PGGHG: variants seen among roughly 807,000 people sequenced by gnomAD.
PGGHG encodes ATH1, acid trehalase-like 1.
A neutral mutation model predicts 74.5 loss-of-function variants in PGGHG; 67 were observed. That is an observed-to-expected ratio of 0.90 (90% CI 0.74 to 1.10). The LOEUF is 1.10. Ranked by LOEUF, PGGHG falls within the 50% of genes least tolerant of loss-of-function variation. PGGHG has a pLI of 0.00. For synonymous variants in PGGHG, 496 were observed against 419.9 expected, an observed-to-expected ratio of 1.18 and a Z score of -2.21; for missense variants, 1,034 against 981.5, an observed-to-expected ratio of 1.05 and a Z score of -0.72.
chr11:293,109 A>G, intron 7 of PGGHG, 54 bp from the exon 8 acceptor site: 1 of 1,613,864 alleles, frequency 6.2e-7, no homozygotes. Context: ...ACCGGCGTGG[A>G]GGGAAGGCCT....
At position 289,563 on chromosome 11, in the gene PGGHG, G is replaced by A; in HGVS notation, c.-13-241G>A. On this transcript the variant is annotated intron_variant, in intron 1 of 13. Transcript: ENST00000409548. This position sits in a 1 kb window ranked among gnomAD's most constrained non-coding sequence, Gnocchi z 5.6. ...TGGAATTCTAAGGTAGCAGGAGGGA[G>A]AGACACACTCAGGGGCTCAGCTGGG... 1.8e-6 allele frequency: 1 copy of A among 558,228 alleles called. No individual in the cohort carries two copies. The highest frequency in any genetic ancestry group is 3.1e-6 in the Non-Finnish European group (1 of 318,140). The allele number at this position is 558,228 out of a possible 1,614,324, so 34.6% of individuals were successfully genotyped here.
In PGGHG at chr11:290,975, G is replaced by A. The variant is rs556885979; in HGVS notation, c.768G>A (p.Leu256=). The A allele has an allele frequency of 4.3e-6, 7 of 1,612,762 alleles. No homozygotes were observed. In the African/African-American group the frequency reaches 8.0e-5, roughly 18 times the overall value. Residue 256 remains leucine, a synonymous_variant, in exon 4 of 14, where the codon CTG becomes CTA. Transcript: ENST00000409548. ...VVGPLQLRQA[L]RGSLYYLLSA... is the part of the protein sequence containing the mutation. ...GGCCCCTGCAGCTGCGCCAGGCCCT[G>A]CGTGGCTCCCTCTACTACCTGCTCA...
Position 292,059 on chromosome 11 carries a change from C to T in PGGHG, c.990C>T (p.Asp330=), listed in dbSNP as rs201905207. 36 of 1,586,392 alleles carry T rather than the reference C, an allele frequency of 2.3e-5. No individual in the cohort carries two copies. Among genetic ancestry groups the T allele is most frequent in the Non-Finnish European group, 2.9e-5 (34 of 1,166,286 alleles). Reference sequence around the variant, plus strand: ...TGGAGTACCGCATCCGCACGCTGGACGGGGCCCTGGAGAACGCCCAGAACC... The same window carrying T: ...TGGAGTACCGCATCCGCACGCTGGATGGGGCCCTGGAGAACGCCCAGAACC... ...AILEYRIRTL[D]GALENAQNLG... The change falls in exon 5 of 14, where the codon GAC becomes GAT. Residue 330 remains aspartate, a synonymous_variant. Coordinates refer to ENST00000409548, the MANE Select transcript of PGGHG (RefSeq NM_025092.5).
In PGGHG at chr11:293,493, T is replaced by A; in HGVS notation, c.1471T>A (p.Tyr491Asn). 1 of 1,611,338 alleles carries A rather than the reference T, an allele frequency of 6.2e-7. No homozygotes were observed. Among genetic ancestry groups the A allele is most frequent in the South Asian group, 1.1e-5 (1 of 91,074 alleles). The change falls in exon 9 of 14, where the codon TAT (tyrosine) becomes AAT (asparagine). Residue 491 changes from tyrosine (Y) to asparagine (N), a missense_variant. By Grantham distance (143) the Tyr-to-Asn change is moderately radical (BLOSUM62 -2). Transcript: ENST00000409548. ...EQNFHPEFDG[Y>N]EPGEVVKQAD... is the part of the protein sequence containing the mutation. ...GAACTTCCACCCGGAGTTCGATGGG[T>A]ATGAGCCTGGTGAGTGGACCCCTTC...
rs1845667043 is a variant in PGGHG, at chr11:289,988, C to A, written c.172C>A (p.Leu58Met). The A allele has an allele frequency of 1.3e-6, 2 of 1,549,162 alleles. No homozygotes were observed. The highest frequency in any genetic ancestry group is 2.7e-5 in the African/African-American group (2 of 73,142). Reference sequence around the variant, plus strand: ...TGGCGGGGACACGCACCGGGCCATGCTGCCCAGCCCCCTCAACGTCCGGCT... The same window carrying A: ...TGGCGGGGACACGCACCGGGCCATGATGCCCAGCCCCCTCAACGTCCGGCT... Reference protein sequence around the residue: ...GAGGDTHRAMLPSPLNVRLEA... With the variant: ...GAGGDTHRAMMPSPLNVRLEA... Residue 58 changes from leucine (L) to methionine (M), a missense_variant, in exon 2 of 14, where the codon CTG becomes ATG. By Grantham distance (15) the Leu-to-Met change is conservative (BLOSUM62 2). Coordinates refer to ENST00000409548, the MANE Select transcript of PGGHG (RefSeq NM_025092.5). This position sits in a 1 kb window ranked among gnomAD's most constrained non-coding sequence, Gnocchi z 5.6.
chr11:292,300 A>G (rs961328820), intron 5 of PGGHG, among the ~76,000 whole-genome samples: 1 of 151,846 alleles, frequency 6.6e-6, no homozygotes, highest in Non-Finnish European at 1.5e-5. Flanking sequence ...GCGGGCTGGG[A>G]CCCTGCTTTG....
chr11:293,276 C>T (rs1270478244), intron 8 of PGGHG, 41 bp downstream of exon 8: 1 of 1,604,962 alleles, frequency 6.2e-7, no homozygotes. Context: ...ACCCCCGCCC[C>T]AGCTGGAGAC....
Position 289,273 on chromosome 11 carries a change from G to T in PGGHG, c.-14+34G>T, listed in dbSNP as rs1268825037. On this transcript the variant is annotated intron_variant, in intron 1 of 13. Coordinates refer to ENST00000409548, the MANE Select transcript of PGGHG (RefSeq NM_025092.5). This position sits in a 1 kb window ranked among gnomAD's most constrained non-coding sequence, Gnocchi z 5.6. ...CAGAGGCCCCCGCCCCGCAGCTCCC[G>T]GCCGCCCCGGCCCGTCCCCCCAGCC... The T allele has an allele frequency of 5.8e-5, 5 of 85,762 alleles. No individual in the cohort carries two copies. Among genetic ancestry groups the T allele is most frequent in the Non-Finnish European group, 9.5e-5 (4 of 42,202 alleles). The allele number at this position is 85,762 out of a possible 1,614,324, so 5.3% of individuals were successfully genotyped here. A position where few individuals can be genotyped will look rare whatever the true frequency, so the allele number is the denominator to read the frequency against.
intron 12 of PGGHG, 34 bp from the exon 13 acceptor site, chr11:294,233 C>T: frequency 6.3e-7 from 1 of 1,593,042 alleles, no homozygotes; most frequent in Non-Finnish European, 8.6e-7. Context: ...GCCCATGCCC[C>T]CACCTGCCAC....
chr11:291,488 G>C (rs571626851), intron 4 of PGGHG: 56 of 272,664 alleles, frequency 2.1e-4, no homozygotes, highest in African/African-American at 1.2e-3. Context: ...GGGAAGGCCT[G>C]TGGGGCTGCG....
intron 6 of PGGHG, 59 bp downstream of exon 6, chr11:292,736 CA>C: frequency 6.2e-7 from 1 of 1,610,678 alleles, no homozygotes. Flanking sequence ...GTGTAGCCCC[CA>C]CTCCTCGTGG....
rs533327315 is a variant in PGGHG at position 290,374 on chromosome 11, G to A, written c.260-16G>A. The A allele has an allele frequency of 1.3e-4, 204 of 1,538,988 alleles. 4 individuals are homozygous for A. In the South Asian group the frequency reaches 2.2e-3, roughly 16 times the overall value. ...ATAGCTTGGCAACCCACCTGCCTTC[G>A]CTTCTGCCTCCCCAGGCTCCTTTCT... On this transcript the variant is annotated splice_polypyrimidine_tract_variant and intron_variant, in intron 2 of 13. Transcript: ENST00000409548.
Position 292,632 on chromosome 11 carries a change from CG to C in PGGHG, c.1117del (p.Ala373ProfsTer50), listed in dbSNP as rs1564841115. ...ACGGAGTCCAGGAGGTCCACGTCAA[CG>C]GGGCCGTGGTGTTGGCCTTCGAGCT... ...IYGVQEVHVN[G>X]AVVLAFELYY... On this transcript the variant is annotated frameshift_variant, in exon 6 of 14. Coordinates refer to ENST00000409548, the MANE Select transcript of PGGHG (RefSeq NM_025092.5). LOFTEE classifies it high-confidence loss of function. 6.2e-7 allele frequency: 1 copy of C among 1,613,786 alleles called. No individual in the cohort carries two copies. The highest frequency in any genetic ancestry group is 1.7e-5 in the Admixed American group (1 of 60,026).
chr11:289,887 C>T lies in PGGHG; in HGVS notation c.71C>T (p.Ala24Val). ...HSLPSDPRLL[A>V]TVTNAYLGTR... is the part of the protein sequence containing the mutation. The stretch of plus-strand genomic sequence containing the variant: ...CTGCCCAGTGACCCCCGTCTCTTGG[C>T]CACTGTGACCAACGCATACCTGGGC... The change falls in exon 2 of 14, where the codon GCC becomes GTC. Residue 24 changes from alanine (A) to valine (V), a missense_variant. By Grantham distance (64) the Ala-to-Val change is moderately conservative. Transcript: ENST00000409548. This position sits in a 1 kb window ranked among gnomAD's most constrained non-coding sequence, Gnocchi z 5.6. The T allele has an allele frequency of 1.9e-6, 3 of 1,551,124 alleles. No individual in the cohort carries two copies. The highest frequency in any genetic ancestry group is 1.4e-5 in the African/African-American group (1 of 73,178).
Position 292,940 on chromosome 11 carries a change from G to C in PGGHG, c.1213G>C (p.Glu405Gln), listed in dbSNP as rs746199014. The C allele has an allele frequency of 1.2e-5, 20 of 1,614,016 alleles. No individual in the cohort carries two copies. The highest frequency in any genetic ancestry group is 1.7e-5 in the Non-Finnish European group (20 of 1,180,022). Reference sequence around the variant, plus strand: ...CTGGGACGTGGTCAGGGCTGTGGCCGAGTTTTGGTGCAGTCGTGTTGAGTG... The same window carrying C: ...CTGGGACGTGGTCAGGGCTGTGGCCCAGTTTTGGTGCAGTCGTGTTGAGTG... ...GGWDVVRAVA[E>Q]FWCSRVEWSP... Residue 405 changes from glutamate to glutamine, a missense_variant, in exon 7 of 14, where the codon GAG becomes CAG. Transcript: ENST00000409548.
chr11:292,287 G>T (rs1028237703), intron 5 of PGGHG, among the ~76,000 whole-genome samples, 192 bp downstream of exon 5: 1 of 151,994 alleles, frequency 6.6e-6, no homozygotes, highest in Non-Finnish European at 1.5e-5. Context: ...GGTGGGAACC[G>T]CAGCGGGCTG....
Position 289,713 on chromosome 11 carries a change from G to A in PGGHG, c.-13-91G>A, listed in dbSNP as rs1590280677. Reference sequence around the variant, plus strand: ...CCAGCTGGTTCCGCAACTCCCCCCAGTTCTGAGGGAGGCTTCAGGGGATTA... The same window carrying A: ...CCAGCTGGTTCCGCAACTCCCCCCAATTCTGAGGGAGGCTTCAGGGGATTA... On this transcript the variant is annotated intron_variant, in intron 1 of 13. Transcript: ENST00000409548. This position sits in a 1 kb window ranked among gnomAD's most constrained non-coding sequence, Gnocchi z 5.6. The A allele has an allele frequency of 4.2e-6, 6 of 1,427,844 alleles. No homozygotes were observed. The highest frequency in any genetic ancestry group is 1.4e-5 in the African/African-American group (1 of 69,802). The allele number at this position is 1,427,844 out of a possible 1,614,324, so 88.4% of individuals were successfully genotyped here. A position where few individuals can be genotyped will look rare whatever the true frequency, so the allele number is the denominator to read the frequency against.
rs374726787 is a variant in PGGHG at position 292,627 on chromosome 11, G to C, written c.1108G>C (p.Val370Leu). The C allele has an allele frequency of 1.9e-6, 3 of 1,613,748 alleles. No homozygotes were observed. The highest frequency in any genetic ancestry group is 2.5e-6 in the Non-Finnish European group (3 of 1,180,004). ...EDIYGVQEVH[V>L]NGAVVLAFEL... ...CATTTACGGAGTCCAGGAGGTCCAC[G>C]TCAACGGGGCCGTGGTGTTGGCCTT... The change falls in exon 6 of 14, where the codon GTC becomes CTC. Residue 370 changes from valine to leucine, a missense_variant. By Grantham distance (32) the Val-to-Leu change is conservative. Coordinates refer to ENST00000409548, the MANE Select transcript of PGGHG (RefSeq NM_025092.5).
At chr11:294,056 G>C (rs1178602004) in intron 11 of PGGHG, 43 bp from the exon 12 acceptor site, 2 of 1,583,040 alleles carry the variant, frequency 1.3e-6, no homozygotes, top group Admixed American at 1.7e-5. Context: ...CAGAGAGGAC[G>C]GTGACCTGGG....
Sources: gnomAD v4.1 joint callset for allele counts (sites outside exome capture counted in the v4.1 genomes callset) on GRCh38, gnomAD v4.1.1 for gene constraint, Gnocchi (gnomAD v3.1) non-coding constraint, MANE v1.5 for transcripts, NCBI Gene and HGNC (gene_info 2026-07-23, HGNC 2026-07-21) for gene names.